CNTNAP2: variants seen among roughly 807,000 people sequenced by gnomAD.
The protein encoded by CNTNAP2 is contactin-associated protein-like 2.
In CNTNAP2, 98 loss-of-function variants were observed where a neutral mutation model predicts 155.2. That is an observed-to-expected ratio of 0.63 (90% CI 0.54 to 0.75). The LOEUF is 0.75. Ranked by LOEUF, CNTNAP2 falls within the 30% of genes least tolerant of loss-of-function variation. CNTNAP2 has a pLI of 0.00. For missense variants in CNTNAP2, 1,727 were observed against 1,688.1 expected (o/e 1.02, Z -0.40); for synonymous variants, 651 against 631.2 (o/e 1.03, Z -0.47).
At chr7:146,633,568 A>G (rs1799544692) in intron 1 of CNTNAP2, among the ~76,000 whole-genome samples, 1 of 152,146 alleles carries the variant, frequency 6.6e-6, no homozygotes, top group Admixed American at 6.6e-5. Context: ...TTATCTGAAC[A>G]GCATGTGAAT....
intron 13 of CNTNAP2, among the ~76,000 whole-genome samples, chr7:147,691,824 G>A (rs1796091150): frequency 6.6e-6 from 1 of 152,052 alleles, no homozygotes; most frequent in African/African-American, 2.4e-5. Flanking sequence ...CCACACCAGA[G>A]TGGCTTGATT....
Position 148,147,542 on chromosome 7 carries a change from T to C in CNTNAP2, c.2606T>C (p.Ile869Thr), listed in dbSNP as rs121908445. Residue 869 changes from isoleucine (I) to threonine (T), a missense_variant, in exon 17 of 24, where the codon ATT (isoleucine) becomes ACT (threonine). Ile to Thr is a moderately conservative substitution (Grantham distance 89). Coordinates refer to ENST00000361727, the MANE Select transcript of CNTNAP2 (RefSeq NM_014141.6). ...SFDVGNGPVE[I>T]VVRSPTPLND... ...GATGTGGGAAATGGGCCAGTAGAGA[T>C]TGTAGTGAGGTCACCAACCCCTCTC... 289 of 1,613,954 alleles carry C rather than the reference T, an allele frequency of 1.8e-4. 1 individual carries two copies. The highest frequency in any genetic ancestry group is 4.0e-5 in the African/African-American group (3 of 74,874).
At chr7:148,310,852 C>T (rs759030286) in intron 21 of CNTNAP2, among the ~76,000 whole-genome samples, 1 of 152,044 alleles carries the variant, frequency 6.6e-6, no homozygotes, top group African/African-American at 2.4e-5. Flanking sequence ...GAAGTAACTG[C>T]GTAGAGGGGG....
chr7:148,291,314 A>AT (rs1563028119), intron 21 of CNTNAP2, among the ~76,000 whole-genome samples: 10 of 95,588 alleles, frequency 1.0e-4, no homozygotes, highest in East Asian at 2.3e-4. Flanking sequence ...TATATATATA[A>AT]AATATGGAAT....
intron 10 of CNTNAP2, among the ~76,000 whole-genome samples, chr7:147,420,698 G>A (rs1053321162): frequency 2.6e-5 from 4 of 151,958 alleles, no homozygotes; most frequent in South Asian, 2.1e-4. Flanking sequence ...AAATACTAAC[G>A]TTGCATTCAG....
intron 1 of CNTNAP2, among the ~76,000 whole-genome samples, chr7:146,427,056 A>G (rs1228249679): frequency 6.6e-6 from 1 of 152,192 alleles, no homozygotes; most frequent in Non-Finnish European, 1.5e-5. Flanking sequence ...AAAAACTATT[A>G]TAGTTAAGTG....
intron 8 of CNTNAP2, among the ~76,000 whole-genome samples, chr7:147,259,107 T>C (rs1015714104): frequency 1.3e-5 from 2 of 152,208 alleles, no homozygotes; most frequent in African/African-American, 4.8e-5. Context: ...GGTTGTAGCA[T>C]GTTGTGGTCA....
intron 1 of CNTNAP2, among the ~76,000 whole-genome samples, chr7:146,161,764 C>A (rs1422402853): frequency 6.6e-6 from 1 of 152,176 alleles, no homozygotes; most frequent in African/African-American, 2.4e-5. Context: ...TCAAACTATA[C>A]TGCAAGGCTA....
chr7:146,757,809 C>A (rs1450354087), intron 1 of CNTNAP2, among the ~76,000 whole-genome samples: 1 of 151,934 alleles, frequency 6.6e-6, no homozygotes, highest in Admixed American at 6.6e-5. Flanking sequence ...TGCTATGGCT[C>A]TATTTCTTAT....
At chr7:147,413,913 C>T (rs780041548) in intron 10 of CNTNAP2, among the ~76,000 whole-genome samples, 7 of 152,174 alleles carry the variant, frequency 4.6e-5, no homozygotes, top group Admixed American at 1.3e-4. Flanking sequence ...TTTTCCCTTA[C>T]CATTTCCAGG....
intron 8 of CNTNAP2, among the ~76,000 whole-genome samples, chr7:147,209,793 A>G (rs1161066231): frequency 1.3e-5 from 2 of 151,960 alleles, no homozygotes; most frequent in African/African-American, 4.8e-5. Context: ...TCTATCATGA[A>G]GGGATGTTGA....
chr7:147,214,363 T>C (rs559188979), intron 8 of CNTNAP2, among the ~76,000 whole-genome samples: 1 of 152,148 alleles, frequency 6.6e-6, no homozygotes, highest in Admixed American at 6.6e-5. Context: ...TTTAATAATA[T>C]AGGACACTGG....
chr7:146,905,975 G>A (rs1288227973), intron 3 of CNTNAP2, among the ~76,000 whole-genome samples: 19 of 152,354 alleles, frequency 1.2e-4, no homozygotes, highest in South Asian at 1.0e-3. Context: ...GCAGGGCGAG[G>A]CATTGCCTCA....
chr7:147,817,689 G>T (rs554736924), intron 13 of CNTNAP2, among the ~76,000 whole-genome samples: 30 of 152,170 alleles, frequency 2.0e-4, no homozygotes, highest in African/African-American at 7.0e-4. Context: ...GGATCACAAG[G>T]TCAGGAGATC....
intron 1 of CNTNAP2, among the ~76,000 whole-genome samples, chr7:146,654,539 A>G (rs925506463): frequency 2.2e-4 from 33 of 152,210 alleles, no homozygotes; most frequent in Admixed American, 1.6e-3. Context: ...GATTAAGAAT[A>G]ATATTATTTG....
rs551570294 is a variant in CNTNAP2 at position 148,173,573 on chromosome 7, G to C, written c.3010+1095G>C. The stretch of plus-strand genomic sequence containing the variant: ...TAATATGAGCATACAAATTAGGCCA[G>C]ACAGGGTATGAAAAATGAGCATGAG... On this transcript the variant is annotated intron_variant, in intron 18 of 23. Transcript: ENST00000361727. Among the ~76,000 whole-genome samples, 3 of 152,282 alleles carry C rather than the reference G, an allele frequency of 2.0e-5. No individual in the cohort carries two copies. The East Asian group carries it at 5.8e-4, about 29-fold the overall frequency.
At chr7:146,536,589 T>TC (rs1563124924) in intron 1 of CNTNAP2, among the ~76,000 whole-genome samples, 2,844 of 140,978 alleles carry the variant, frequency 0.02, 92 homozygotes, top group African/African-American at 0.071. Flanking sequence ...CTCCCCCATG[T>TC]TCCCCCCCCA....
At chr7:148,059,394 C>T (rs1803087179) in intron 15 of CNTNAP2, among the ~76,000 whole-genome samples, 1 of 152,090 alleles carries the variant, frequency 6.6e-6, no homozygotes, top group Non-Finnish European at 1.5e-5. Context: ...GAGTTCGAGA[C>T]CAGCCTGACC....
rs747579657 is a variant in CNTNAP2 at position 146,372,528 on chromosome 7, CAT to C, written c.97+255556_97+255557del. ...TAAAAGTTTATTGAAAAGTTCACCA[CAT>C]GTTTTAAAAGCAACTGAAACCAATT... On this transcript the variant is annotated intron_variant, in intron 1 of 23. Coordinates refer to ENST00000361727, the MANE Select transcript of CNTNAP2 (RefSeq NM_014141.6). 1.1e-4 allele frequency among the ~76,000 whole-genome samples: 17 copies of C among 152,292 alleles called. No individual in the cohort carries two copies. In the East Asian group the frequency reaches 2.7e-3, roughly 24 times the overall value.
Sources: allele counts gnomAD v4.1 joint callset (sites outside exome capture counted in the v4.1 genomes callset), GRCh38; gene constraint gnomAD v4.1.1; transcripts MANE v1.5; gene names NCBI Gene and HGNC (gene_info 2026-07-23, HGNC 2026-07-21).